The following APOLD1 variants were observed in gnomAD, a reference collection of about 807,000 sequenced individuals.
APOLD1 encodes apolipoprotein L domain containing 1, also known as apolipoprotein L domain-containing protein 1.
In APOLD1, 22 loss-of-function variants were observed where a neutral mutation model predicts 15.3. The observed-to-expected ratio is 1.44, with a 90% CI of 1.03 to 2.05. The LOEUF (loss-of-function observed/expected upper bound fraction) is 2.05, where lower values mean the gene tolerates loss of function less well. Among genes scored for constraint, APOLD1 ranks in the 30% most tolerant of loss-of-function variants. The pLI, the probability that APOLD1 is intolerant of heterozygous loss-of-function variation, is 0.00. For missense variants in APOLD1, 394 were observed against 353.5 expected (o/e 1.11, Z -0.92); for synonymous variants, 190 against 167.4 (o/e 1.13, Z -1.04).
intron 1 of APOLD1, among the ~76,000 whole-genome samples, chr12:12,777,009 A>G (rs1947041055): frequency 6.6e-6 from 1 of 152,228 alleles, no homozygotes; most frequent in Admixed American, 6.5e-5. Flanking sequence ...CACTGTATAT[A>G]ATAAACTCCA....
intron 1 of APOLD1, among the ~76,000 whole-genome samples, chr12:12,777,869 T>C (rs1452174122): frequency 1.3e-5 from 2 of 149,294 alleles, no homozygotes; most frequent in Non-Finnish European, 3.0e-5. Flanking sequence ...CCTGGAAATA[T>C]CTTCTCTACA....
At chr12:12,741,285 C>T (rs1157334062) in intron 1 of APOLD1, among the ~76,000 whole-genome samples, 2 of 152,226 alleles carry the variant, frequency 1.3e-5, no homozygotes, top group Non-Finnish European at 2.9e-5. Flanking sequence ...TAGGTCACTA[C>T]AGTCTCAAAC....
chr12:12,729,147 A>C (rs1405629519), intron 1 of APOLD1, among the ~76,000 whole-genome samples: 1 of 151,816 alleles, frequency 6.6e-6, no homozygotes, highest in Non-Finnish European at 1.5e-5. Context: ...TTTCCCCCAG[A>C]ATGTTCCTGT....
intron 1 of APOLD1, among the ~76,000 whole-genome samples, chr12:12,746,212 C>G (rs1163798660): frequency 6.6e-6 from 1 of 151,140 alleles, no homozygotes; most frequent in Non-Finnish European, 1.5e-5. Flanking sequence ...AATCCTGTTC[C>G]AGGCCGGGTG....
At chr12:12,742,963 C>T (rs1439679839) in intron 1 of APOLD1, among the ~76,000 whole-genome samples, 1 of 152,192 alleles carries the variant, frequency 6.6e-6, no homozygotes, top group East Asian at 1.9e-4. Flanking sequence ...GGCATGCTGC[C>T]CTGGTCTCAA....
chr12:12,752,613 TA>T lies in APOLD1; in HGVS notation c.96+26527del, dbSNP rs564652166. On this transcript the variant is annotated intron_variant, in intron 1 of 1. Coordinates refer to the APOLD1 transcript ENST00000326765. ...ATTTCTATAAGTAGTGGAGAAAATT[TA>T]AAAAAAAAATCACAACTGCATTGGA... Among the ~76,000 whole-genome samples the T allele has an allele frequency of 4.3e-4, 65 of 149,980 alleles. No individual in the cohort carries two copies. In the South Asian group the frequency reaches 0.012, roughly 28 times the overall value.
chr12:12,782,257 TCAAACAAACAAACAAA>T (rs59794394), upstream of APOLD1, among the ~76,000 whole-genome samples: 11 of 119,126 alleles, frequency 9.2e-5, no homozygotes, highest in Admixed American at 3.1e-4. Flanking sequence ...AGACTCCGTC[TCAAACAAACAAACAAA>T]CAAACAAACA....
intron 1 of APOLD1, among the ~76,000 whole-genome samples, chr12:12,745,123 T>C (rs1221876164): frequency 6.6e-6 from 1 of 152,186 alleles, no homozygotes; most frequent in African/African-American, 2.4e-5. Flanking sequence ...CTCATCTCCC[T>C]AGAGGGCCTT....
upstream of APOLD1, among the ~76,000 whole-genome samples, chr12:12,783,808 A>T (rs933458867): frequency 2.0e-5 from 3 of 150,788 alleles, no homozygotes; most frequent in African/African-American, 7.3e-5. Context: ...CAATTTTTAA[A>T]TTTTTTGTAA....
intron 1 of APOLD1, among the ~76,000 whole-genome samples, chr12:12,750,394 A>AAAAAAG (rs71064320): frequency 6.8e-6 from 1 of 147,984 alleles, no homozygotes; most frequent in African/African-American, 2.5e-5. Context: ...AAAAAAAAAA[A>AAAAAAG]GGAAATTGGG....
chr12:12,771,577 T>C (rs1179463443), intron 1 of APOLD1: 2 of 522,658 alleles, frequency 3.8e-6, no homozygotes, highest in Non-Finnish European at 7.7e-6. Flanking sequence ...TGGCAACTTA[T>C]GATGGAGGAA....
At chr12:12,764,789 A>G in intron 1 of APOLD1, 1 of 420,614 alleles carries the variant, frequency 2.4e-6, no homozygotes, top group Non-Finnish European at 5.2e-6. Context: ...GTGATTCTCC[A>G]TGCCAGTGAA....
At chr12:12,758,229 C>A (rs945507349) in intron 1 of APOLD1, among the ~76,000 whole-genome samples, 1 of 151,620 alleles carries the variant, frequency 6.6e-6, no homozygotes, top group Non-Finnish European at 1.5e-5. Flanking sequence ...AACCACCACG[C>A]CTGAACTAAT....
chr12:12,744,541 G>A (rs750191976), intron 1 of APOLD1, among the ~76,000 whole-genome samples: 6 of 152,062 alleles, frequency 3.9e-5, no homozygotes, highest in East Asian at 1.9e-4. Context: ...CCTGGGAGGC[G>A]GAGGTTGCAG....
At chr12:12,776,377 G>A (rs990031291) in intron 1 of APOLD1, among the ~76,000 whole-genome samples, 4 of 152,220 alleles carry the variant, frequency 2.6e-5, no homozygotes, top group African/African-American at 7.2e-5. Flanking sequence ...CTAAGCCTGA[G>A]AAAGGGCCAG....
intron 1 of APOLD1, among the ~76,000 whole-genome samples, chr12:12,737,417 C>T (rs958808829): frequency 1.3e-5 from 2 of 152,148 alleles, no homozygotes; most frequent in South Asian, 4.1e-4. Context: ...TTTTGGAGTT[C>T]ATTGAAGTGA....
Position 12,786,975 on chromosome 12 carries a change from C to A in APOLD1, c.70C>A (p.Leu24Met), listed in dbSNP as rs1296154126. 4.9e-5 allele frequency: 71 copies of A among 1,439,058 alleles called. No homozygotes were observed. The highest frequency in any genetic ancestry group is 6.1e-5 in the Non-Finnish European group (68 of 1,106,704). The allele number at this position is 1,439,058 out of a possible 1,614,324, so 89.1% of individuals were successfully genotyped here. A position where few individuals can be genotyped will look rare whatever the true frequency, so the allele number is the denominator to read the frequency against. ...PDALRRFQGL[L>M]LDRRGRLHGQ... is the part of the protein sequence containing the mutation. ...CGCGCTGCGGCGCTTCCAGGGACTG[C>A]TGCTGGACCGCCGAGGCCGGCTGCA... Residue 24 changes from leucine (L) to methionine (M), a missense_variant, in exon 2 of 2, where the codon CTG becomes ATG. Transcript: ENST00000356591.
At chr12:12,744,326 T>C (rs950096092) in intron 1 of APOLD1, among the ~76,000 whole-genome samples, 5 of 127,674 alleles carry the variant, frequency 3.9e-5, no homozygotes, top group Non-Finnish European at 8.3e-5. Flanking sequence ...AAAAAAAAAA[T>C]GGCTGGCTGT....
At chr12:12,741,940 A>G (rs2136373811) in intron 1 of APOLD1, among the ~76,000 whole-genome samples, 1 of 152,292 alleles carries the variant, frequency 6.6e-6, no homozygotes, top group Non-Finnish European at 1.5e-5. Flanking sequence ...TCTCAACAGG[A>G]AGAAGGCCAG....
Sources: allele counts gnomAD v4.1 joint callset (sites outside exome capture counted in the v4.1 genomes callset), GRCh38; gene constraint gnomAD v4.1.1; transcripts MANE v1.5; gene names NCBI Gene and HGNC (gene_info 2026-07-23, HGNC 2026-07-21).